Variants in RBFOX1 observed in about 807,000 individuals in gnomAD.
The protein encoded by RBFOX1 is RNA binding fox-1 homolog 1, also known as RNA binding protein fox-1 homolog 1.
Under a neutral mutation model 57.7 loss-of-function variants are expected in RBFOX1, and 8 were observed. The observed-to-expected ratio is 0.14, with a 90% CI of 0.08 to 0.25. RBFOX1 has a LOEUF of 0.25. RBFOX1 is among the 10% of genes least tolerant of loss of function. The pLI is 1.00. For missense variants in RBFOX1, 611 were observed against 548.5 expected, an observed-to-expected ratio of 1.11 and a Z score of -1.14; for synonymous variants, 326 against 222.4, an observed-to-expected ratio of 1.47 and a Z score of -4.15.
chr16:7,181,472 C>G lies in RBFOX1; in HGVS notation c.27+129374C>G, dbSNP rs145502230. On this transcript the variant is annotated intron_variant, in intron 4 of 15. Coordinates refer to ENST00000550418, the MANE Select transcript of RBFOX1 (RefSeq NM_018723.4). Reference sequence around the variant, plus strand: ...AAGGCTAGTAGTAGAAAAGTACTACCTAAAAGAGAATTAACTAAATTCCTT... The same window carrying G: ...AAGGCTAGTAGTAGAAAAGTACTACGTAAAAGAGAATTAACTAAATTCCTT... Among the ~76,000 whole-genome samples, 412 of 152,144 alleles carry G rather than the reference C, an allele frequency of 2.7e-3. 3 individuals carry two copies. Among genetic ancestry groups the G allele is most frequent in the African/African-American group, 9.5e-3 (394 of 41,508 alleles).
intron 4 of RBFOX1, among the ~76,000 whole-genome samples, chr16:6,003,736 T>C (rs977469260): frequency 9.9e-5 from 15 of 152,238 alleles, no homozygotes; most frequent in African/African-American, 3.6e-4. Flanking sequence ...GTTCAGCATC[T>C]TTGTCTGCAA....
chr16:7,304,920 GTGTGTGT>G (rs1881339683), intron 4 of RBFOX1, among the ~76,000 whole-genome samples: 1 of 1,712 alleles, frequency 5.8e-4, no homozygotes, highest in African/African-American at 3.6e-3. Context: ...GGTGTGGTGT[GTGTGTGT>G]GTGTGTGTGT....
chr16:6,625,820 A>C (rs945063021), intron 2 of RBFOX1, among the ~76,000 whole-genome samples: 1 of 152,204 alleles, frequency 6.6e-6, no homozygotes, highest in African/African-American at 2.4e-5. Flanking sequence ...CAGCTAATTT[A>C]ATTATGTTTC....
At chr16:5,722,621 G>A (rs1251735794) in intron 3 of RBFOX1, among the ~76,000 whole-genome samples, 1 of 152,140 alleles carries the variant, frequency 6.6e-6, no homozygotes, top group Non-Finnish European at 1.5e-5. Flanking sequence ...TCCCCACGGT[G>A]GCATTAGGGT....
chr16:5,698,669 C>T (rs1163503681), intron 3 of RBFOX1, among the ~76,000 whole-genome samples: 1 of 152,124 alleles, frequency 6.6e-6, no homozygotes, highest in African/African-American at 2.4e-5. Flanking sequence ...CAATACTGTT[C>T]ACCAGGGCCA....
At chr16:5,856,748 C>T (rs2057082373) in intron 3 of RBFOX1, among the ~76,000 whole-genome samples, 1 of 151,320 alleles carries the variant, frequency 6.6e-6, no homozygotes, top group African/African-American at 2.4e-5. Context: ...TCTGCAGCTT[C>T]CTACCATTCT....
At chr16:6,699,713 G>A (rs1476053989) in intron 3 of RBFOX1, among the ~76,000 whole-genome samples, 1 of 152,178 alleles carries the variant, frequency 6.6e-6, no homozygotes, top group Admixed American at 6.5e-5. Flanking sequence ...GACATAAAAT[G>A]AATGATCAGG....
intron 4 of RBFOX1, among the ~76,000 whole-genome samples, chr16:7,493,880 A>C (rs144563913): frequency 6.6e-6 from 1 of 152,234 alleles, no homozygotes; most frequent in Admixed American, 6.5e-5. Context: ...CATTGTCATC[A>C]TCATTATCGT....
intron 3 of RBFOX1, among the ~76,000 whole-genome samples, chr16:6,783,304 A>T (rs2081339837): frequency 6.7e-6 from 1 of 149,270 alleles, no homozygotes. Context: ...TCATTTTGTT[A>T]GTTCTCTCTT....
At chr16:5,422,420 A>G in intron 1 of RBFOX1, among the ~76,000 whole-genome samples, 3 of 98,370 alleles carry the variant, frequency 3.0e-5, no homozygotes, top group African/African-American at 8.2e-5. Context: ...GAGAGGAAGG[A>G]GGAGGGAGAG....
At chr16:7,240,643 C>T (rs565811102) in intron 4 of RBFOX1, among the ~76,000 whole-genome samples, 55 of 152,216 alleles carry the variant, frequency 3.6e-4, no homozygotes, top group African/African-American at 1.3e-3. Context: ...CAGCCTTGAC[C>T]TTCTGGGCTC....
chr16:6,809,927 G>T (rs2154265457), intron 3 of RBFOX1, among the ~76,000 whole-genome samples: 1 of 152,126 alleles, frequency 6.6e-6, no homozygotes, highest in South Asian at 2.1e-4. Context: ...ACACCACCAA[G>T]ATGAGCCTAC....
chr16:6,566,705 T>C (rs556208829), intron 2 of RBFOX1, among the ~76,000 whole-genome samples: 1 of 152,332 alleles, frequency 6.6e-6, no homozygotes, highest in East Asian at 1.9e-4. Context: ...CCATCCACTT[T>C]TCATCTTTAC....
intron 3 of RBFOX1, chr16:6,704,781 A>C (rs1024743395): frequency 1.3e-4 from 20 of 152,056 alleles, no homozygotes; most frequent in African/African-American, 4.8e-4. Flanking sequence ...CTTCCCAAGA[A>C]CTGTAGCTTC....
intron 4 of RBFOX1, among the ~76,000 whole-genome samples, chr16:7,162,365 T>C (rs748524733): frequency 3.6e-4 from 55 of 152,110 alleles, no homozygotes; most frequent in Middle Eastern, 3.2e-3. Context: ...TCATTTAATA[T>C]CACAGTAATT....
At chr16:7,165,591 G>A (rs1352119271) in intron 4 of RBFOX1, among the ~76,000 whole-genome samples, 5 of 151,372 alleles carry the variant, frequency 3.3e-5, no homozygotes, top group East Asian at 2.0e-4. Flanking sequence ...CACCACGCCC[G>A]GCTAATTTTG....
intron 2 of RBFOX1, among the ~76,000 whole-genome samples, chr16:6,602,514 C>T (rs2097864931): frequency 6.6e-6 from 1 of 152,044 alleles, no homozygotes; most frequent in Non-Finnish European, 1.5e-5. Context: ...CAACAGCTGA[C>T]CTCCAAGAGG....
At chr16:7,333,005 C>T (rs1196867548) in intron 4 of RBFOX1, 2 of 1,613,686 alleles carry the variant, frequency 1.2e-6, no homozygotes, top group Non-Finnish European at 1.7e-6. Context: ...GTAAAGCATG[C>T]TGGCGTCTCA....
At chr16:5,844,474 T>A (rs141905014) in intron 3 of RBFOX1, among the ~76,000 whole-genome samples, 114 of 152,312 alleles carry the variant, frequency 7.5e-4, no homozygotes, top group African/African-American at 2.6e-3. Flanking sequence ...GCATCTGTCT[T>A]CATCCCTGAC....
Sources: gnomAD v4.1 joint callset for allele counts (sites outside exome capture counted in the v4.1 genomes callset) on GRCh38, gnomAD v4.1.1 for gene constraint, MANE v1.5 for transcripts, NCBI Gene and HGNC (gene_info 2026-07-23, HGNC 2026-07-21) for gene names.